The following FGF13 variants were observed in gnomAD, a reference collection of about 807,000 sequenced individuals.
FGF13 encodes fibroblast growth factor homologous factor 2.
Under a neutral mutation model 19.5 loss-of-function variants are expected in FGF13, and 2 were observed. That is an observed-to-expected ratio of 0.10 (90% CI 0.04 to 0.32). FGF13 has a LOEUF of 0.32. FGF13 is among the 10% of genes least tolerant of loss of function. FGF13 has a pLI of 1.00. For synonymous variants in FGF13, 72 were observed against 76.9 expected, an observed-to-expected ratio of 0.94 and a Z score of 0.33; for missense variants, 113 against 192.7, an observed-to-expected ratio of 0.59 and a Z score of 2.45.
At chrX:138,660,418 C>G in intron 3 of FGF13, among the ~76,000 whole-genome samples, 1 of 110,967 alleles carries the variant, frequency 9.0e-6, no homozygotes, top group Non-Finnish European at 1.9e-5. Flanking sequence ...TTTGGAGTGC[C>G]CTTCTTAGAA....
intron 3 of FGF13, among the ~76,000 whole-genome samples, chrX:138,668,924 CAGG>C (rs1211815366): frequency 9.0e-6 from 1 of 110,890 alleles, no homozygotes; most frequent in Non-Finnish European, 1.9e-5. Context: ...GCGACATTAG[CAGG>C]AGGAGTTCAT....
chrX:138,916,983 G>C (rs1292061579), intron 1 of FGF13, among the ~76,000 whole-genome samples: 1 of 111,648 alleles, frequency 9.0e-6, no homozygotes, highest in Non-Finnish European at 1.9e-5. Context: ...GAAAGAGAGG[G>C]AACAGCAAGA....
At chrX:138,942,050 C>A (rs191446967) in intron 1 of FGF13, among the ~76,000 whole-genome samples, 2 of 112,226 alleles carry the variant, frequency 1.8e-5, no homozygotes, top group African/African-American at 6.5e-5. Context: ...CCTTGTCCTA[C>A]AAAATGCTGT....
intron 3 of FGF13, among the ~76,000 whole-genome samples, chrX:138,684,986 A>G (rs2089764889): frequency 8.9e-6 from 1 of 112,234 alleles, no homozygotes; most frequent in South Asian, 3.7e-4. Flanking sequence ...AACTCATTTG[A>G]ATTTAGAATG....
At chrX:139,177,847 C>T (rs1044161574) in intron 1 of FGF13, among the ~76,000 whole-genome samples, 1 of 112,173 alleles carries the variant, frequency 8.9e-6, no homozygotes, top group African/African-American at 3.2e-5. Context: ...AACCCAGGGC[C>T]CTGGTTGTTT....
intron 3 of FGF13, among the ~76,000 whole-genome samples, chrX:138,783,722 G>A (rs2090667364): frequency 9.4e-6 from 1 of 105,928 alleles, no homozygotes; most frequent in South Asian, 4.5e-4. Context: ...TGGTGGGACT[G>A]TCAACTAGTT....
intron 3 of FGF13, among the ~76,000 whole-genome samples, chrX:138,791,744 A>G (rs1165160854): frequency 9.0e-6 from 1 of 111,516 alleles, no homozygotes; most frequent in Non-Finnish European, 1.9e-5. Flanking sequence ...CATTGGAAAA[A>G]CTCCAGGAGC....
chrX:138,829,730 T>C (rs1008037851), intron 3 of FGF13, among the ~76,000 whole-genome samples: 3 of 111,552 alleles, frequency 2.7e-5, no homozygotes, highest in Non-Finnish European at 5.6e-5. Context: ...ATTCTATTTT[T>C]TTTTTAGACA....
chrX:139,179,338 A>G (rs2084220198), intron 1 of FGF13, among the ~76,000 whole-genome samples: 1 of 111,428 alleles, frequency 9.0e-6, no homozygotes, highest in African/African-American at 3.3e-5. Context: ...TCGAAGAATC[A>G]TTCTTTCATT....
chrX:138,835,375 T>C (rs2091105122), intron 3 of FGF13, among the ~76,000 whole-genome samples: 1 of 112,459 alleles, frequency 8.9e-6, no homozygotes, highest in Admixed American at 9.4e-5. Flanking sequence ...TAGATCTTCT[T>C]GTCCAACTGA....
intron 3 of FGF13, among the ~76,000 whole-genome samples, chrX:138,677,714 C>T (rs1367564654): frequency 8.9e-6 from 1 of 112,151 alleles, no homozygotes; most frequent in African/African-American, 3.2e-5. Context: ...AATAGGAACA[C>T]TTTTACACTA....
In FGF13 at chrX:138,811,659, A is replaced by G. The variant is rs374808691; in HGVS notation, c.217+45853T>C. On this transcript the variant is annotated intron_variant, in intron 3 of 6. Coordinates refer to the FGF13 transcript ENST00000436198. Reference sequence around the variant, plus strand: ...TAACAAGACTAGGGGCTCTTTTAAGATAGACACTGTATAGTAATTAACTGT... The same window carrying G: ...TAACAAGACTAGGGGCTCTTTTAAGGTAGACACTGTATAGTAATTAACTGT... Among the ~76,000 whole-genome samples the G allele has an allele frequency of 8.1e-5, 9 of 111,175 alleles. No homozygotes were observed. In the South Asian group the frequency reaches 3.5e-3, roughly 43 times the overall value.
chrX:138,792,084 T>C (rs1235416739), intron 3 of FGF13, among the ~76,000 whole-genome samples: 1 of 111,746 alleles, frequency 8.9e-6, no homozygotes, highest in African/African-American at 3.3e-5. Context: ...AATAATACTA[T>C]CTTTCTCCCT....
chrX:138,926,353 G>A (rs1260896629), intron 1 of FGF13, among the ~76,000 whole-genome samples: 2 of 112,494 alleles, frequency 1.8e-5, no homozygotes, highest in Non-Finnish European at 3.7e-5. Context: ...TGAAGTGGGA[G>A]AAAACAGACA....
chrX:138,731,617 C>T (rs973492421), intron 1 of FGF13, among the ~76,000 whole-genome samples: 5 of 110,166 alleles, frequency 4.5e-5, no homozygotes, highest in African/African-American at 1.6e-4. Context: ...ATTTATGTTT[C>T]CACCTTAAGA....
chrX:138,755,594 C>G (rs897729701), intron 3 of FGF13, among the ~76,000 whole-genome samples: 22 of 112,530 alleles, frequency 2.0e-4, no homozygotes, highest in Admixed American at 5.6e-4. Context: ...AGTTCAAACT[C>G]TATAATGAAA....
chrX:138,734,879 A>G (rs1250896524), intron 1 of FGF13, among the ~76,000 whole-genome samples: 4 of 111,705 alleles, frequency 3.6e-5, no homozygotes, highest in Admixed American at 9.5e-5. Context: ...AGAGCACTGC[A>G]TAGATTATAC....
intron 3 of FGF13, among the ~76,000 whole-genome samples, chrX:138,691,271 G>A (rs1221054865): frequency 9.0e-6 from 1 of 111,605 alleles, no homozygotes; most frequent in Non-Finnish European, 1.9e-5. Context: ...TATGACATGG[G>A]AAGGAGCCCG....
At chrX:138,679,906 GA>G (rs1321559142) in intron 3 of FGF13, among the ~76,000 whole-genome samples, 1 of 112,003 alleles carries the variant, frequency 8.9e-6, no homozygotes, top group Non-Finnish European at 1.9e-5. Context: ...TTTACCCACG[GA>G]AAAACTTATT....
Sources: allele counts gnomAD v4.1 joint callset (sites outside exome capture counted in the v4.1 genomes callset), GRCh38; gene constraint gnomAD v4.1.1; transcripts MANE v1.5; gene names NCBI Gene and HGNC (gene_info 2026-07-23, HGNC 2026-07-21).